The following PLCB1 variants were observed in gnomAD, a reference collection of about 807,000 sequenced individuals.
PLCB1 encodes the protein phospholipase C beta 1.
In PLCB1, 46 loss-of-function variants were observed where a neutral mutation model predicts 161.8. That is an observed-to-expected ratio of 0.28 (90% CI 0.22 to 0.36). PLCB1 has a LOEUF of 0.36. Among genes scored for constraint, PLCB1 ranks in the 10% least tolerant of loss-of-function variants. The probability of loss-of-function intolerance (pLI) is 1.00; values close to 1 mark genes in which losing one functional copy is unlikely to be tolerated. For synonymous variants in PLCB1, 517 were observed against 503.7 expected, an observed-to-expected ratio of 1.03 and a Z score of -0.35; for missense variants, 1,016 against 1,472.5, an observed-to-expected ratio of 0.69 and a Z score of 5.07.
At chr20:8,846,433 C>CA (rs1986694712) in intron 31 of PLCB1, among the ~76,000 whole-genome samples, 1 of 152,090 alleles carries the variant, frequency 6.6e-6, no homozygotes. Context: ...ACCTACTACT[C>CA]AGGGATCCTC....
At chr20:8,275,922 TTTC>T (rs1982520391) in intron 2 of PLCB1, among the ~76,000 whole-genome samples, 1 of 152,098 alleles carries the variant, frequency 6.6e-6, no homozygotes, top group Non-Finnish European at 1.5e-5. Flanking sequence ...CCTTTTTTTT[TTTC>T]ATCACCACTT....
intron 4 of PLCB1, 71 bp downstream of exon 4, chr20:8,628,502 C>A (rs1224266498): frequency 2.0e-6 from 3 of 1,482,544 alleles, no homozygotes; most frequent in Non-Finnish European, 1.9e-6. Flanking sequence ...CTAATGCCTG[C>A]AAAAGACTGA....
intron 3 of PLCB1, among the ~76,000 whole-genome samples, chr20:8,587,230 A>G (rs1455860257): frequency 6.6e-6 from 1 of 151,772 alleles, no homozygotes; most frequent in Non-Finnish European, 1.5e-5. Context: ...GAATCTACTT[A>G]GCTTTGAGCA....
chr20:8,789,147 G>T (rs1440443580), intron 29 of PLCB1, among the ~76,000 whole-genome samples: 2 of 152,180 alleles, frequency 1.3e-5, no homozygotes, highest in African/African-American at 4.8e-5. Context: ...AAAGGCCTAG[G>T]TGGGAGGATT....
rs1982260656 is a variant in PLCB1 at position 8,765,282 on chromosome 20, T to A, written c.2854T>A (p.Tyr952Asn). The stretch of plus-strand genomic sequence containing the variant: ...CCTTATCAAAGAACACACTACCAAG[T>A]ATAATGAAATTCAGAATGACTACTT... ...TDLIKEHTTK[Y>N]NEIQNDYLRR... The change falls in exon 26 of 32, where the codon TAT becomes AAT. Residue 952 changes from tyrosine to asparagine, a missense_variant. This residue lies in a region of PLCB1 where 398 missense variants were observed against 445.4 expected (regional missense o/e 0.89). Coordinates refer to ENST00000338037, the MANE Select transcript of PLCB1 (RefSeq NM_015192.4). 1 of 1,614,056 alleles carries A rather than the reference T, an allele frequency of 6.2e-7. No homozygotes were observed. Among genetic ancestry groups the A allele is most frequent in the Non-Finnish European group, 8.5e-7 (1 of 1,179,964 alleles).
chr20:8,757,548 C>T (rs1334194348), intron 24 of PLCB1, among the ~76,000 whole-genome samples: 1 of 152,172 alleles, frequency 6.6e-6, no homozygotes, highest in Non-Finnish European at 1.5e-5. Flanking sequence ...GTGCCAAGGG[C>T]TCCTTTCCCT....
intron 3 of PLCB1, among the ~76,000 whole-genome samples, chr20:8,575,767 G>A (rs544953009): frequency 8.5e-5 from 13 of 152,266 alleles, no homozygotes; most frequent in Non-Finnish European, 1.5e-4. Flanking sequence ...TTGGATTTCC[G>A]TTTGGATTAA....
intron 3 of PLCB1, among the ~76,000 whole-genome samples, chr20:8,375,815 G>C (rs1472809807): frequency 6.6e-6 from 1 of 152,038 alleles, no homozygotes; most frequent in African/African-American, 2.4e-5. Context: ...GTTAGCCCTT[G>C]ATTCCAGCTT....
intron 31 of PLCB1, among the ~76,000 whole-genome samples, chr20:8,838,076 A>T (rs1323223018): frequency 1.9e-4 from 5 of 26,240 alleles, no homozygotes; most frequent in East Asian, 4.3e-3. Context: ...GTCAAATAAA[A>T]AAAAAAAAAA....
chr20:8,442,603 C>T (rs1980609365), intron 3 of PLCB1, among the ~76,000 whole-genome samples: 1 of 152,174 alleles, frequency 6.6e-6, no homozygotes, highest in Non-Finnish European at 1.5e-5. Flanking sequence ...ATTTAAAGCT[C>T]AGTCCAATGA....
chr20:8,773,444 C>T (rs1982792359), intron 26 of PLCB1, among the ~76,000 whole-genome samples: 1 of 152,180 alleles, frequency 6.6e-6, no homozygotes. Flanking sequence ...ATGATAATTA[C>T]TTTAATTTAT....
intron 3 of PLCB1, among the ~76,000 whole-genome samples, chr20:8,541,797 C>T (rs1000298978): frequency 1.3e-5 from 2 of 152,188 alleles, no homozygotes; most frequent in African/African-American, 4.8e-5. Context: ...TACTGACCTG[C>T]AAGCAATGTC....
chr20:8,384,930 G>A (rs936567059), intron 3 of PLCB1, among the ~76,000 whole-genome samples: 1 of 152,094 alleles, frequency 6.6e-6, no homozygotes, highest in Non-Finnish European at 1.5e-5. Flanking sequence ...GACCTCAAGG[G>A]GCACCAACCT....
At chr20:8,313,720 G>T (rs933100902) in intron 2 of PLCB1, among the ~76,000 whole-genome samples, 2 of 152,094 alleles carry the variant, frequency 1.3e-5, no homozygotes, top group Non-Finnish European at 2.9e-5. Context: ...CCAGAATCTT[G>T]CTCCTACTCA....
intron 3 of PLCB1, among the ~76,000 whole-genome samples, chr20:8,389,027 A>T (rs796989033): frequency 2.6e-5 from 4 of 152,338 alleles, no homozygotes; most frequent in African/African-American, 9.6e-5. Flanking sequence ...GCCCCTTACC[A>T]TCATGGCCAT....
chr20:8,544,653 C>T (rs2122970243), intron 3 of PLCB1, among the ~76,000 whole-genome samples: 1 of 152,262 alleles, frequency 6.6e-6, no homozygotes, highest in Non-Finnish European at 1.5e-5. Flanking sequence ...TCAGTGACGC[C>T]AAGAAGTTGG....
chr20:8,862,104 T>C (rs1330554068), intron 31 of PLCB1, among the ~76,000 whole-genome samples: 2 of 152,262 alleles, frequency 1.3e-5, no homozygotes, highest in East Asian at 3.8e-4. Context: ...ATATTTCTGC[T>C]ACTGAATACA....
intron 31 of PLCB1, among the ~76,000 whole-genome samples, chr20:8,853,128 AAG>A (rs938220826): frequency 2.0e-5 from 3 of 152,262 alleles, no homozygotes; most frequent in African/African-American, 7.2e-5. Flanking sequence ...AATTTAAAAA[AAG>A]TATTTATCAA....
chr20:8,701,293 C>T (rs1990697833), intron 11 of PLCB1, among the ~76,000 whole-genome samples: 1 of 152,188 alleles, frequency 6.6e-6, no homozygotes, highest in African/African-American at 2.4e-5. Flanking sequence ...ACAGTACTGA[C>T]CTTGCTGTTC....
Sources: allele counts gnomAD v4.1 joint callset (sites outside exome capture counted in the v4.1 genomes callset), GRCh38; gene constraint gnomAD v4.1.1; regional missense constraint gnomAD v4.1.1; transcripts MANE v1.5; gene names NCBI Gene and HGNC (gene_info 2026-07-23, HGNC 2026-07-21).